The following OLFM2 variants were observed in gnomAD, a reference collection of about 807,000 sequenced individuals.
The protein encoded by OLFM2 is olfactomedin 2.
Under a neutral mutation model 43.9 loss-of-function variants are expected in OLFM2, and 20 were observed. The observed-to-expected ratio is 0.46, with a 90% CI of 0.32 to 0.66. The LOEUF is 0.66. Among genes scored for constraint, OLFM2 ranks in the 30% least tolerant of loss-of-function variants. The pLI is 0.04. For missense variants in OLFM2, 416 were observed against 643.6 expected (o/e 0.65, Z 3.83); for synonymous variants, 268 against 278.6 (o/e 0.96, Z 0.38).
chr19:9,885,650 A>G (rs2046580030), intron 1 of OLFM2, among the ~76,000 whole-genome samples: 1 of 152,128 alleles, frequency 6.6e-6, no homozygotes, highest in Non-Finnish European at 1.5e-5. Context: ...TGCAGGGGTA[A>G]AAAGCCCACT....
chr19:9,856,709 C>T lies in OLFM2; in HGVS notation c.687+98G>A. 5 of 976,262 alleles carry T rather than the reference C, an allele frequency of 5.1e-6. No individual in the cohort carries two copies. The South Asian group carries it at 5.9e-5, about 12-fold the overall frequency. 60.5% of individuals were successfully genotyped at this position (976,262 alleles called of 1,614,324 possible). A position where few individuals can be genotyped will look rare whatever the true frequency, so the allele number is the denominator to read the frequency against. On this transcript the variant is annotated intron_variant, in intron 5 of 5. Coordinates refer to ENST00000264833, the MANE Select transcript of OLFM2 (RefSeq NM_058164.4). This position sits in a 1 kb window ranked among gnomAD's most constrained non-coding sequence, Gnocchi z 4.0. ...GGGGGATCCAGGACACTTTGGGCTA[C>T]AAGACAGTCACCAGTGTGGACTCCC...
chr19:9,854,717 C>T lies in OLFM2; in HGVS notation c.834G>A (p.Leu278=), dbSNP rs1483711941. 6.2e-7 allele frequency: 1 copy of T among 1,614,208 alleles called. No individual in the cohort carries two copies. Among genetic ancestry groups the T allele is most frequent in the Admixed American group, 1.7e-5 (1 of 60,022 alleles). Residue 278 remains leucine (L), a synonymous_variant, in exon 6 of 6, where the codon CTG becomes CTA. Coordinates refer to ENST00000264833, the MANE Select transcript of OLFM2 (RefSeq NM_058164.4). This position sits in a 1 kb window ranked among gnomAD's most constrained non-coding sequence, Gnocchi z 9.5. ...GTGHVVYNGS[L]FYNKYQSNVV... ...CGTTGCTCTGGTACTTGTTATAGAA[C>T]AGGGAGCCGTTGTACACCACGTGGC...
intron 1 of OLFM2, among the ~76,000 whole-genome samples, chr19:9,886,269 G>C (rs942582668): frequency 6.6e-6 from 1 of 152,094 alleles, no homozygotes; most frequent in African/African-American, 2.4e-5. Flanking sequence ...ACAATGGAGT[G>C]ATCTTGGCTC....
intron 1 of OLFM2, among the ~76,000 whole-genome samples, chr19:9,896,397 C>T (rs576396483): frequency 3.3e-5 from 5 of 151,010 alleles, no homozygotes; most frequent in Non-Finnish European, 7.4e-5. Context: ...CAGCGCCCAG[C>T]CTATTTTAAT....
At chr19:9,873,575 C>T (rs2046460826) in intron 1 of OLFM2, among the ~76,000 whole-genome samples, 1 of 152,158 alleles carries the variant, frequency 6.6e-6, no homozygotes, top group African/African-American at 2.4e-5. Context: ...TTGCTTCAGC[C>T]TCCGGAGTAG....
intron 1 of OLFM2, among the ~76,000 whole-genome samples, chr19:9,923,149 C>A (rs542204510): frequency 6.6e-6 from 1 of 152,230 alleles, no homozygotes; most frequent in African/African-American, 2.4e-5. Context: ...TCCAGATTGG[C>A]AAATTTGCCT....
intron 1 of OLFM2, among the ~76,000 whole-genome samples, chr19:9,905,624 C>CAA (rs55683294): frequency 1.1e-4 from 8 of 75,726 alleles, no homozygotes; most frequent in Non-Finnish European, 1.1e-4. Context: ...GACTCCATCT[C>CAA]AAAAAAAAAA....
intron 1 of OLFM2, among the ~76,000 whole-genome samples, chr19:9,886,926 T>C (rs10153473): frequency 0.79 from 120,454 of 151,736 alleles, 48,402 homozygotes; most frequent in Admixed American, 0.86. Context: ...TCAGGTGATC[T>C]GCCTGCCTCG....
At chr19:9,873,850 T>C (rs1428053366) in intron 1 of OLFM2, among the ~76,000 whole-genome samples, 1 of 124,124 alleles carries the variant, frequency 8.1e-6, no homozygotes, top group East Asian at 2.5e-4. Context: ...AGGATCTCAC[T>C]ATGTTTCCCA....
chr19:9,857,180 C>T lies in OLFM2; in HGVS notation c.580+83G>A. 7.5e-7 allele frequency: 1 copy of T among 1,337,766 alleles called. No individual in the cohort carries two copies. Among genetic ancestry groups the T allele is most frequent in the Non-Finnish European group, 1.1e-6 (1 of 936,930 alleles). The allele number at this position is 1,337,766 out of a possible 1,614,324, so 82.9% of individuals were successfully genotyped here. On this transcript the variant is annotated intron_variant, in intron 4 of 5. Coordinates refer to ENST00000264833, the MANE Select transcript of OLFM2 (RefSeq NM_058164.4). This position sits in a 1 kb window ranked among gnomAD's most constrained non-coding sequence, Gnocchi z 5.7. ...AAAAGTTAGAGGTCAAAACTGTGTCCAGCTTCTAGGCACAAACAGGTGATA... is the reference window on the plus strand; with the variant it reads ...AAAAGTTAGAGGTCAAAACTGTGTCTAGCTTCTAGGCACAAACAGGTGATA...
chr19:9,926,485 G>A (rs1397448201), intron 1 of OLFM2, among the ~76,000 whole-genome samples: 1 of 152,046 alleles, frequency 6.6e-6, no homozygotes, highest in Non-Finnish European at 1.5e-5. Flanking sequence ...CTGGGAGGCG[G>A]AGCTTGCAGT....
At chr19:9,931,714 TAA>T (rs778511487) in intron 1 of OLFM2, among the ~76,000 whole-genome samples, 2 of 134,012 alleles carry the variant, frequency 1.5e-5, no homozygotes. Context: ...ATCTCAAAAA[TAA>T]AAAAAAAAAA....
At chr19:9,919,296 A>G (rs1451718546) in intron 1 of OLFM2, among the ~76,000 whole-genome samples, 8 of 151,390 alleles carry the variant, frequency 5.3e-5, no homozygotes, top group Non-Finnish European at 1.2e-4. Context: ...CCTCCGGAGT[A>G]GCTGGGGCTA....
chr19:9,910,598 T>C (rs1275183362), intron 1 of OLFM2, among the ~76,000 whole-genome samples: 1 of 152,120 alleles, frequency 6.6e-6, no homozygotes, highest in African/African-American at 2.4e-5. Flanking sequence ...GATGGAAGGA[T>C]AGATGAATGG....
intron 1 of OLFM2, among the ~76,000 whole-genome samples, chr19:9,923,043 G>C (rs565261541): frequency 1.3e-5 from 2 of 152,210 alleles, no homozygotes; most frequent in East Asian, 3.9e-4. Flanking sequence ...TTTTGGAAGA[G>C]TCTCTGAAAC....
intron 1 of OLFM2, chr19:9,913,334 C>T: frequency 3.1e-6 from 1 of 320,266 alleles, no homozygotes; most frequent in Non-Finnish European, 4.7e-6. Flanking sequence ...CCCGAGAGGG[C>T]GTCCCCTACC....
intron 1 of OLFM2, among the ~76,000 whole-genome samples, chr19:9,865,247 C>T (rs1221921836): frequency 6.6e-6 from 1 of 151,436 alleles, no homozygotes; most frequent in African/African-American, 2.4e-5. Flanking sequence ...TTTTGGCAGC[C>T]TCAACCTCCT....
Position 9,899,014 on chromosome 19 carries a change from A to G in OLFM2, c.63+37290T>C, listed in dbSNP as rs376139145. Among the ~76,000 whole-genome samples the G allele has an allele frequency of 4.8e-4, 73 of 152,228 alleles. No homozygotes were observed. In the East Asian group the frequency reaches 0.013, roughly 28 times the overall value. On this transcript the variant is annotated intron_variant, in intron 1 of 5. Coordinates refer to ENST00000264833, the MANE Select transcript of OLFM2 (RefSeq NM_058164.4). ...TCTCACTGCGTTTGGAATAAAAGCC[A>G]ACAACTTTGGGAGGCCGAGGTAGGT...
chr19:9,863,910 TG>T (rs2046382152), intron 1 of OLFM2, among the ~76,000 whole-genome samples: 1 of 152,262 alleles, frequency 6.6e-6, no homozygotes, highest in African/African-American at 2.4e-5. Flanking sequence ...CCTTCCTAAA[TG>T]GGGGGAACCC....
Sources: gnomAD v4.1 joint callset for allele counts (sites outside exome capture counted in the v4.1 genomes callset) on GRCh38, gnomAD v4.1.1 for gene constraint, Gnocchi (gnomAD v3.1) non-coding constraint, MANE v1.5 for transcripts, NCBI Gene and HGNC (gene_info 2026-07-23, HGNC 2026-07-21) for gene names.